SEC23IP: variants seen among roughly 807,000 people sequenced by gnomAD.
SEC23IP encodes SEC23 interacting protein, also known as SEC23-interacting protein.
SEC23IP carries 70 observed loss-of-function variants against 113.4 expected under a neutral mutation model. The ratio of observed to expected loss-of-function variants is 0.62; its 90% CI spans 0.51 to 0.75. SEC23IP has a LOEUF of 0.75. SEC23IP is among the 30% of genes least tolerant of loss of function. The pLI is 0.00. For synonymous variants in SEC23IP, 398 were observed against 421.0 expected (o/e 0.95, Z 0.67); for missense variants, 1,160 against 1,204.9 (o/e 0.96, Z 0.55).
Position 119,915,787 on chromosome 10 carries a change from C to G in SEC23IP, c.1442C>G (p.Thr481Arg). Residue 481 changes from threonine to arginine, a missense_variant, in exon 8 of 19, where the codon ACA (threonine) becomes AGA (arginine). Transcript: ENST00000369075. ...GTGGTTTCTCTCAAATTGCTGCGGA[C>G]ACATTTCAAGAAATCTTTAGATGAC... Reference protein sequence around the residue: ...FRVVSLKLLRTHFKKSLDDGK... With the variant: ...FRVVSLKLLRRHFKKSLDDGK... The G allele has an allele frequency of 6.3e-7, 1 of 1,599,424 alleles. No individual in the cohort carries two copies. The highest frequency in any genetic ancestry group is 8.5e-7 in the Non-Finnish European group (1 of 1,172,462).
chr10:119,933,640 T>C (rs538877833), intron 17 of SEC23IP, 46 bp from the exon 18 acceptor site: 1 of 1,085,916 alleles, frequency 9.2e-7, no homozygotes, highest in South Asian at 1.3e-5. Context: ...TAGAAGTTAA[T>C]TTCTTCTAAT....
chr10:119,897,632 G>C (rs536659569), intron 1 of SEC23IP, among the ~76,000 whole-genome samples: 1 of 152,204 alleles, frequency 6.6e-6, no homozygotes, highest in African/African-American at 2.4e-5. Context: ...TATCACTATA[G>C]AAATAAAAAT....
intron 12 of SEC23IP, among the ~76,000 whole-genome samples, chr10:119,925,132 C>T (rs990087249): frequency 5.9e-5 from 9 of 152,114 alleles, no homozygotes; most frequent in African/African-American, 1.9e-4. Flanking sequence ...GCACTTGTGT[C>T]GTCACTGCCT....
At position 119,930,426 on chromosome 10, in the gene SEC23IP, A is replaced by G. The variant is rs762966895; in HGVS notation, c.2567A>G (p.His856Arg). 1.9e-6 allele frequency: 3 copies of G among 1,595,828 alleles called. No homozygotes were observed. Among genetic ancestry groups the G allele is most frequent in the Non-Finnish European group, 2.6e-6 (3 of 1,166,218 alleles). Residue 856 changes from histidine (H) to arginine (R), a missense_variant, in exon 15 of 19, where the codon CAT becomes CGT. Physicochemically the swap from His to Arg is conservative, Grantham distance 29. Transcript: ENST00000369075. ...IPHHKGRKRLHLELKESLSRM... is the reference protein window; with the variant it reads ...IPHHKGRKRLRLELKESLSRM... Reference sequence around the variant, plus strand: ...CATCACAAAGGCAGAAAAAGACTTCATTTAGGTAAAAAGCAAATACTATAA... The same window carrying G: ...CATCACAAAGGCAGAAAAAGACTTCGTTTAGGTAAAAAGCAAATACTATAA...
At chr10:119,936,873 CTTTAT>C (rs958156405) in intron 18 of SEC23IP, among the ~76,000 whole-genome samples, 20 of 151,232 alleles carry the variant, frequency 1.3e-4, no homozygotes, top group Non-Finnish European at 1.5e-4. Context: ...CCTTTTCTTT[CTTTAT>C]TTTATTTTAT....
intron 1 of SEC23IP, 55 bp from the exon 2 acceptor site, chr10:119,898,372 A>T (rs1488537819): frequency 6.6e-7 from 1 of 1,510,486 alleles, no homozygotes. Context: ...ATAGAATCGT[A>T]TCTGCGGAGT....
intron 18 of SEC23IP, among the ~76,000 whole-genome samples, chr10:119,937,019 C>G (rs893700260): frequency 1.3e-5 from 2 of 151,836 alleles, no homozygotes; most frequent in Non-Finnish European, 2.9e-5. Context: ...TCCCGAGTAG[C>G]TGGGACTACA....
At chr10:119,895,044 A>G (rs117545501) in intron 1 of SEC23IP, among the ~76,000 whole-genome samples, 16 of 152,262 alleles carry the variant, frequency 1.1e-4, no homozygotes, top group Non-Finnish European at 1.9e-4. Flanking sequence ...GCAACAGTTA[A>G]TCATATAAGT....
At chr10:119,918,078 AT>A in intron 9 of SEC23IP, 34 bp downstream of exon 9, 1 of 1,561,946 alleles carries the variant, frequency 6.4e-7, no homozygotes. Context: ...TTTAAATACA[AT>A]TTTTGTTGAG....
chr10:119,930,514 C>T, intron 15 of SEC23IP, 83 bp downstream of exon 15: 3 of 739,830 alleles, frequency 4.1e-6, no homozygotes, highest in Non-Finnish European at 6.9e-6. Context: ...ACTAAATCGT[C>T]TCTGAGAGAA....
chr10:119,899,192 G>A (rs1212892758), intron 2 of SEC23IP, among the ~76,000 whole-genome samples: 1 of 152,154 alleles, frequency 6.6e-6, no homozygotes, highest in South Asian at 2.1e-4. Context: ...ATTTTAATGA[G>A]TTAGCTACGT....
chr10:119,899,385 G>A (rs1247429056), intron 2 of SEC23IP, among the ~76,000 whole-genome samples: 1 of 152,158 alleles, frequency 6.6e-6, no homozygotes, highest in African/African-American at 2.4e-5. Context: ...ATGGAGTTTG[G>A]ATCTAGATCA....
intron 12 of SEC23IP, 61 bp from the exon 13 acceptor site, chr10:119,925,975 A>G: frequency 7.3e-7 from 1 of 1,371,010 alleles, no homozygotes; most frequent in Non-Finnish European, 1.0e-6. Context: ...ATGTTTTGTA[A>G]TGATAGCTGA....
intron 18 of SEC23IP, among the ~76,000 whole-genome samples, chr10:119,938,271 G>T (rs1428506129): frequency 6.6e-6 from 1 of 152,096 alleles, no homozygotes; most frequent in Non-Finnish European, 1.5e-5. Context: ...TCTCTGCTTG[G>T]GATTTTTTAG....
intron 1 of SEC23IP, among the ~76,000 whole-genome samples, chr10:119,893,334 C>T (rs1405145849): frequency 1.3e-5 from 2 of 151,804 alleles, no homozygotes; most frequent in Non-Finnish European, 2.9e-5. Flanking sequence ...CGGTAAGATA[C>T]CTCCTAGGAT....
Position 119,914,734 on chromosome 10 carries a change from G to A in SEC23IP, c.1317G>A (p.Glu439=). ...TTTAAAAATTTTTTTTGATAGGGGA[G>A]ATGCCTCAAGTTGACCATTTGGTGT... ...DDNLDEIPDG[E]MPQVDHLVFV... Residue 439 remains glutamate, a synonymous_variant, in exon 7 of 19, where the codon GAG becomes GAA. Transcript: ENST00000369075. 1 of 1,613,936 alleles carries A rather than the reference G, an allele frequency of 6.2e-7. No homozygotes were observed. The highest frequency in any genetic ancestry group is 8.5e-7 in the Non-Finnish European group (1 of 1,179,902).
chr10:119,892,737 T>A lies in SEC23IP; in HGVS notation c.-46T>A. ...CGTGATCGGTTTCCGGTCAGTGGTG[T>A]GGTACCGGGTACCCGGAGACGTGTA... On this transcript the variant is annotated 5_prime_UTR_variant, in exon 1 of 19. Transcript: ENST00000369075. 1 of 1,555,582 alleles carries A rather than the reference T, an allele frequency of 6.4e-7. No individual in the cohort carries two copies. Among genetic ancestry groups the A allele is most frequent in the Non-Finnish European group, 8.7e-7 (1 of 1,148,910 alleles).
At chr10:119,913,381 G>C (rs184098776) in intron 6 of SEC23IP, among the ~76,000 whole-genome samples, 146 of 152,296 alleles carry the variant, frequency 9.6e-4, no homozygotes, top group African/African-American at 3.3e-3. Context: ...CCAGATAGCA[G>C]ATAGGCTTTG....
chr10:119,913,950 G>C (rs112336127), intron 6 of SEC23IP, among the ~76,000 whole-genome samples: 6 of 151,696 alleles, frequency 4.0e-5, no homozygotes, highest in African/African-American at 1.4e-4. Context: ...TCAGGAGTTC[G>C]AGACCAGCCT....
Sources: allele counts gnomAD v4.1 joint callset (sites outside exome capture counted in the v4.1 genomes callset), GRCh38; gene constraint gnomAD v4.1.1; transcripts MANE v1.5; gene names NCBI Gene and HGNC (gene_info 2026-07-23, HGNC 2026-07-21).